EBF4: variants seen among roughly 807,000 people sequenced by gnomAD.
EBF4 encodes the protein EBF transcription factor 4, also known as transcription factor COE4.
In EBF4, 34 loss-of-function variants were observed where a neutral mutation model predicts 67.1. The ratio of observed to expected loss-of-function variants is 0.51; its 90% CI spans 0.39 to 0.67. The LOEUF is 0.67. EBF4 is among the 30% of genes least tolerant of loss of function. The probability of loss-of-function intolerance (pLI) is 0.00; values close to 1 mark genes in which losing one functional copy is unlikely to be tolerated. For synonymous variants in EBF4, 387 were observed against 377.7 expected, an observed-to-expected ratio of 1.02 and a Z score of -0.29; for missense variants, 837 against 873.3, an observed-to-expected ratio of 0.96 and a Z score of 0.52.
At chr20:2,760,005 C>A (rs2088302304), downstream of EBF4, 1 of 152,374 alleles carries the variant, frequency 6.6e-6, no homozygotes, top group African/African-American at 2.4e-5. This position sits in a 1 kb window ranked among gnomAD's most constrained non-coding sequence, Gnocchi z 4.2. Context: ...CCAGCCGCCC[C>A]CCAGGTGGCC....
At chr20:2,733,802 C>T (rs994925470) in intron 6 of EBF4, among the ~76,000 whole-genome samples, 4 of 146,622 alleles carry the variant, frequency 2.7e-5, no homozygotes, top group East Asian at 2.0e-4. Flanking sequence ...TTAATACTAG[C>T]GATAGCTGAT....
intron 5 of EBF4, among the ~76,000 whole-genome samples, chr20:2,708,952 G>A (rs750459559): frequency 2.6e-5 from 4 of 152,132 alleles, no homozygotes; most frequent in African/African-American, 7.2e-5. Flanking sequence ...TTAGGAAGCC[G>A]AGGCGAGCGG....
chr20:2,718,107 C>T (rs545972794), intron 6 of EBF4, among the ~76,000 whole-genome samples: 163 of 152,356 alleles, frequency 1.1e-3, no homozygotes, highest in African/African-American at 3.8e-3. Context: ...CCGCACCCGG[C>T]TGGTTAATGT....
rs765461472 is a variant in EBF4 at position 2,748,678 on chromosome 20, T to TGGAGG, written c.639+61_639+65dup. 7.2e-4 allele frequency: 1,098 copies of TGGAGG among 1,524,872 alleles called. 8 individuals are homozygous for TGGAGG. The African/African-American group carries it at 0.014, about 19-fold the overall frequency. 94.5% of individuals were successfully genotyped at this position (1,524,872 alleles called of 1,614,324 possible). A position where few individuals can be genotyped will look rare whatever the true frequency, so the allele number is the denominator to read the frequency against. On this transcript the variant is annotated intron_variant, in intron 7 of 16. Transcript: ENST00000609451. Reference sequence around the variant, plus strand: ...CCCTTGCAACCCCACCCTTTCCTGATGGAGGGGAGGGGAGGGGGAAGGGAA... The same window carrying TGGAGG: ...CCCTTGCAACCCCACCCTTTCCTGATGGAGGGGAGGGGAGGGGAGGGGGAAGGGAA...
upstream of EBF4, among the ~76,000 whole-genome samples, chr20:2,693,375 C>T (rs1347575151): frequency 2.4e-4 from 36 of 151,340 alleles, no homozygotes; most frequent in Non-Finnish European, 5.2e-4. The surrounding 1 kb of genome is among the most constrained non-coding windows in gnomAD (Gnocchi z 4.6). Flanking sequence ...CTCCCCGCCC[C>T]GCTCGCAGTC....
Position 2,705,291 on chromosome 20 carries a change from G to A in EBF4, c.138-286G>A, listed in dbSNP as rs573187504. 3.3e-5 allele frequency among the ~76,000 whole-genome samples: 5 copies of A among 152,312 alleles called. No homozygotes were observed. In the South Asian group the frequency reaches 8.3e-4, roughly 25 times the overall value. ...TGGCCTTGCAAAATGTGCTGCCCAG[G>A]GAAAAGCCTGGGAGGGAGACTGACA... On this transcript the variant is annotated intron_variant, in intron 1 of 16. Coordinates refer to ENST00000609451, the Ensembl canonical transcript of EBF4.
intron 16 of EBF4, 132 bp from the exon 17 acceptor site, chr20:2,759,136 T>C: frequency 1.4e-6 from 1 of 735,842 alleles, no homozygotes; most frequent in Non-Finnish European, 2.2e-6. Context: ...CCGGGGCCCA[T>C]CTAGACAGCT....
chr20:2,738,792 G>A (rs1417781352), intron 6 of EBF4, among the ~76,000 whole-genome samples: 3 of 152,192 alleles, frequency 2.0e-5, no homozygotes, highest in South Asian at 2.1e-4. Context: ...TAAAATTGAC[G>A]CTGTTCATTA....
chr20:2,730,754 G>A (rs1365853321), intron 6 of EBF4, among the ~76,000 whole-genome samples: 6 of 152,200 alleles, frequency 3.9e-5, no homozygotes, highest in African/African-American at 9.6e-5. Flanking sequence ...AACAGGACGC[G>A]CAGGGCCCTG....
intron 6 of EBF4, among the ~76,000 whole-genome samples, chr20:2,729,664 G>A (rs1014052461): frequency 1.3e-5 from 2 of 152,098 alleles, no homozygotes; most frequent in African/African-American, 2.4e-5. Flanking sequence ...GTCTATGACC[G>A]GGTAGCATAG....
chr20:2,719,406 C>T (rs1326002224), intron 6 of EBF4, among the ~76,000 whole-genome samples: 1 of 152,216 alleles, frequency 6.6e-6, no homozygotes, highest in Non-Finnish European at 1.5e-5. Context: ...TCCTGAGTAG[C>T]TGGGACTAAA....
chr20:2,745,511 G>C lies in EBF4; in HGVS notation c.558-3038G>C, dbSNP rs2088037253. 6.6e-6 allele frequency among the ~76,000 whole-genome samples: 1 copy of C among 152,214 alleles called. No homozygotes were observed. The highest frequency in any genetic ancestry group is 1.5e-5 in the Non-Finnish European group (1 of 68,032). ...CAGGTCCCTAGGGCTCTCAGAAAGGGGTGGTCCTTGAAACCTAGAGTGGCC... is the reference window on the plus strand; with the variant it reads ...CAGGTCCCTAGGGCTCTCAGAAAGGCGTGGTCCTTGAAACCTAGAGTGGCC... On this transcript the variant is annotated intron_variant, in intron 6 of 16. Transcript: ENST00000609451. The surrounding 1 kb of genome is among the most constrained non-coding windows in gnomAD (Gnocchi z 5.2).
At chr20:2,712,197 T>A (rs957291318) in intron 6 of EBF4, among the ~76,000 whole-genome samples, 2 of 152,176 alleles carry the variant, frequency 1.3e-5, no homozygotes, top group Non-Finnish European at 2.9e-5. Flanking sequence ...AAGACCTGCC[T>A]TATATTTTAG....
At chr20:2,757,069 G>A (rs946891599) in intron 15 of EBF4, among the ~76,000 whole-genome samples, 2 of 152,198 alleles carry the variant, frequency 1.3e-5, no homozygotes, top group Non-Finnish European at 2.9e-5. Flanking sequence ...AAGGCCAGTG[G>A]CTTGGGCCCC....
Position 2,708,119 on chromosome 20 carries a change from T to A in EBF4, c.488+99T>A, listed in dbSNP as rs959411948. 11 of 1,245,840 alleles carry A rather than the reference T, an allele frequency of 8.8e-6. No homozygotes were observed. The Admixed American group carries it at 2.3e-4, about 26-fold the overall frequency. The allele number at this position is 1,245,840 out of a possible 1,614,324, so 77.2% of individuals were successfully genotyped here. ...CCTCGCCGCCCTTGCCCCTGGCTGCTCTCTGCTGCTGCTCCCTGGAGAAGC... is the reference window on the plus strand; with the variant it reads ...CCTCGCCGCCCTTGCCCCTGGCTGCACTCTGCTGCTGCTCCCTGGAGAAGC... On this transcript the variant is annotated intron_variant, in intron 5 of 16. Coordinates refer to ENST00000609451, the Ensembl canonical transcript of EBF4.
chr20:2,744,874 C>T (rs2088026585), intron 6 of EBF4, among the ~76,000 whole-genome samples: 1 of 152,048 alleles, frequency 6.6e-6, no homozygotes, highest in Non-Finnish European at 1.5e-5. Flanking sequence ...TTTATTTAAC[C>T]CAATATATCT....
intron 6 of EBF4, among the ~76,000 whole-genome samples, chr20:2,720,652 T>G (rs1407958263): frequency 1.3e-5 from 2 of 152,232 alleles, no homozygotes; most frequent in Non-Finnish European, 2.9e-5. Flanking sequence ...AAATCCAAAA[T>G]ACATTGTTAT....
At chr20:2,749,021 G>C (rs1169758004) in intron 7 of EBF4, among the ~76,000 whole-genome samples, 1 of 152,194 alleles carries the variant, frequency 6.6e-6, no homozygotes, top group Non-Finnish European at 1.5e-5. Context: ...TAGGGCAGGG[G>C]CTCCTGCTGC....
chr20:2,748,363 G>C (rs1040956386), intron 6 of EBF4, among the ~76,000 whole-genome samples, 186 bp from the exon 7 acceptor site: 1 of 152,116 alleles, frequency 6.6e-6, no homozygotes, highest in African/African-American at 2.4e-5. Flanking sequence ...ATTGTGATGG[G>C]TCTGTCTGGT....
Sources: allele counts gnomAD v4.1 joint callset (sites outside exome capture counted in the v4.1 genomes callset), GRCh38; gene constraint gnomAD v4.1.1; non-coding constraint Gnocchi (gnomAD v3.1); transcripts MANE v1.5; gene names NCBI Gene and HGNC (gene_info 2026-07-23, HGNC 2026-07-21).